SMURF1: variants seen among roughly 807,000 people sequenced by gnomAD.
SMURF1 encodes E3 ubiquitin-protein ligase SMURF1.
In SMURF1, 44 loss-of-function variants were observed where a neutral mutation model predicts 98.0. The observed-to-expected ratio is 0.45, with a 90% confidence interval of 0.35 to 0.58. The LOEUF (loss-of-function observed/expected upper bound fraction) is 0.58. Ranked by LOEUF, SMURF1 falls within the 20% of genes least tolerant of loss-of-function variation. The probability of loss-of-function intolerance (pLI) is 0.00; values close to 1 mark genes in which losing one functional copy is unlikely to be tolerated. For synonymous variants in SMURF1, 396 were observed against 374.9 expected, an observed-to-expected ratio of 1.06 and a Z score of -0.65; for missense variants, 687 against 938.4, an observed-to-expected ratio of 0.73 and a Z score of 3.50.
intron 11 of SMURF1, among the ~76,000 whole-genome samples, chr7:99,043,365 G>A (rs950178395): frequency 2.0e-5 from 3 of 152,134 alleles, no homozygotes; most frequent in Non-Finnish European, 2.9e-5. Flanking sequence ...TCTCTCCACC[G>A]TTCTCTAAGT....
Position 99,037,403 on chromosome 7 carries a change from A to G in SMURF1, c.1689-216T>C, listed in dbSNP as rs141168800. Among the ~76,000 whole-genome samples, 329 of 152,200 alleles carry G rather than the reference A, an allele frequency of 2.2e-3. 3 individuals are homozygous for G. The highest frequency in any genetic ancestry group is 7.5e-3 in the African/African-American group (312 of 41,534). On this transcript the variant is annotated intron_variant, in intron 14 of 17. Transcript: ENST00000361368. Reference sequence around the variant, plus strand: ...CAGGCACCCACCACCACACCTGGCTAATTTTTGTATTTTTAGTGGAGATGG... The same window carrying G: ...CAGGCACCCACCACCACACCTGGCTGATTTTTGTATTTTTAGTGGAGATGG...
At chr7:99,062,213 T>C (rs1796049890) in intron 1 of SMURF1, among the ~76,000 whole-genome samples, 1 of 151,916 alleles carries the variant, frequency 6.6e-6, no homozygotes, top group Non-Finnish European at 1.5e-5. Context: ...TCCTCTTGCC[T>C]CAGCCCTCCC....
At chr7:99,102,031 ATAT>A (rs1261402824) in intron 1 of SMURF1, among the ~76,000 whole-genome samples, 2 of 151,996 alleles carry the variant, frequency 1.3e-5, no homozygotes, top group African/African-American at 4.8e-5. Context: ...TTTTAATGTG[ATAT>A]TATGATGCAC....
chr7:99,138,727 GA>G (rs139584028), intron 1 of SMURF1, among the ~76,000 whole-genome samples: 10,868 of 149,530 alleles, frequency 0.073, 1,237 homozygotes, highest in African/African-American at 0.25. Flanking sequence ...AGATTAAAAG[GA>G]AAAAAAAATG....
intron 1 of SMURF1, among the ~76,000 whole-genome samples, chr7:99,091,365 C>A: frequency 6.6e-6 from 1 of 152,174 alleles, no homozygotes; most frequent in East Asian, 1.9e-4. Flanking sequence ...ATGAAGCATT[C>A]CTCTGAAATT....
rs184460290 is a variant in SMURF1, at chr7:99,070,572, T to A, written c.56-8735A>T. On this transcript the variant is annotated intron_variant, in intron 1 of 17. Transcript: ENST00000361368. Reference sequence around the variant, plus strand: ...CTGTGTCTTTTATTCTTAACCACTGTCTCCCCAGAGGCTGAAACAGTGCCT... The same window carrying A: ...CTGTGTCTTTTATTCTTAACCACTGACTCCCCAGAGGCTGAAACAGTGCCT... Among the ~76,000 whole-genome samples, 72 of 152,252 alleles carry A rather than the reference T, an allele frequency of 4.7e-4. 1 individual carries two copies. Among genetic ancestry groups the A allele is most frequent in the African/African-American group, 1.6e-3 (68 of 41,562 alleles).
intron 16 of SMURF1, 99 bp downstream of exon 16, chr7:99,035,416 G>T: frequency 1.5e-6 from 2 of 1,339,032 alleles, no homozygotes; most frequent in Non-Finnish European, 2.1e-6. Context: ...CCATTTTCTA[G>T]CACACATCTC....
At chr7:99,052,990 G>C (rs1359261327) in intron 6 of SMURF1, among the ~76,000 whole-genome samples, 1 of 152,174 alleles carries the variant, frequency 6.6e-6, no homozygotes, top group Non-Finnish European at 1.5e-5. Context: ...CCAGGAGGCA[G>C]AGGTTGCAGT....
intron 1 of SMURF1, 88 bp downstream of exon 1, chr7:99,143,638 G>A (rs1324415066): frequency 8.4e-6 from 10 of 1,186,000 alleles, no homozygotes; most frequent in South Asian, 7.4e-5. Flanking sequence ...CCGGCGTGGG[G>A]GAGGGCCGCT....
At chr7:99,030,891 G>A in intron 17 of SMURF1, 3 of 452,386 alleles carry the variant, frequency 6.6e-6, no homozygotes, top group Non-Finnish European at 1.2e-5. Flanking sequence ...GTAGAGACAG[G>A]GTCTCGCTAG....
chr7:99,101,006 A>G (rs770766329), intron 1 of SMURF1, among the ~76,000 whole-genome samples: 1 of 152,216 alleles, frequency 6.6e-6, no homozygotes, highest in Non-Finnish European at 1.5e-5. Context: ...AAGGTGACCA[A>G]TTTTTAAATG....
chr7:99,117,194 A>G (rs1037040323), intron 1 of SMURF1, among the ~76,000 whole-genome samples: 50 of 152,196 alleles, frequency 3.3e-4, no homozygotes, highest in Admixed American at 1.2e-3. Flanking sequence ...GTCACACTAT[A>G]TATAAAGATT....
At chr7:99,075,083 TAA>T (rs888726049) in intron 1 of SMURF1, among the ~76,000 whole-genome samples, 1 of 152,102 alleles carries the variant, frequency 6.6e-6, no homozygotes, top group Admixed American at 6.6e-5. Flanking sequence ...GTAGCAGTAG[TAA>T]GTAGTGTTTT....
intron 7 of SMURF1, 76 bp from the exon 8 acceptor site, chr7:99,051,517 C>T (rs1415296245): frequency 9.0e-7 from 1 of 1,111,872 alleles, no homozygotes; most frequent in Non-Finnish European, 1.4e-6. Context: ...TCGATGCCCT[C>T]ACGTCTGGTA....
chr7:99,067,003 T>C (rs1284198366), intron 1 of SMURF1, among the ~76,000 whole-genome samples: 1 of 149,338 alleles, frequency 6.7e-6, no homozygotes. Flanking sequence ...TTTTTCTTTT[T>C]TTTTTTTTTT....
intron 7 of SMURF1, 88 bp from the exon 8 acceptor site, chr7:99,051,529 T>A: frequency 1.0e-6 from 1 of 999,482 alleles, no homozygotes; most frequent in Non-Finnish European, 1.6e-6. Context: ...CGTCTGGTAT[T>A]ATCTAAATCT....
intron 1 of SMURF1, among the ~76,000 whole-genome samples, chr7:99,107,566 A>G (rs1797220391): frequency 6.6e-6 from 1 of 152,216 alleles, no homozygotes; most frequent in East Asian, 1.9e-4. Context: ...CGGACCTAAC[A>G]CAACTGACAA....
intron 1 of SMURF1, among the ~76,000 whole-genome samples, chr7:99,089,227 T>G (rs865882492): frequency 2.2e-4 from 33 of 151,018 alleles, no homozygotes; most frequent in African/African-American, 7.6e-4. Flanking sequence ...AAGAAATCAA[T>G]CAATCAGTCA....
chr7:99,116,312 T>C (rs1797451559), intron 1 of SMURF1, among the ~76,000 whole-genome samples: 1 of 152,038 alleles, frequency 6.6e-6, no homozygotes, highest in Non-Finnish European at 1.5e-5. Context: ...ACCCACTGCT[T>C]AACATCATAT....
Sources: gnomAD v4.1 joint callset for allele counts (sites outside exome capture counted in the v4.1 genomes callset) on GRCh38, gnomAD v4.1.1 for gene constraint, MANE v1.5 for transcripts, NCBI Gene and HGNC (gene_info 2026-07-23, HGNC 2026-07-21) for gene names.